The following FAM167A variants were observed in gnomAD, a reference collection of about 807,000 sequenced individuals.
The protein encoded by FAM167A is protein FAM167A.
FAM167A carries 23 observed loss-of-function variants against 14.9 expected under a neutral mutation model. The ratio of observed to expected loss-of-function variants is 1.55; its 90% CI spans 1.11 to 2.19. The LOEUF is 2.19. FAM167A is among the 30% of genes most tolerant of loss of function. The pLI is 0.00. For missense variants in FAM167A, 401 were observed against 281.5 expected, an observed-to-expected ratio of 1.42 and a Z score of -3.04; for synonymous variants, 174 against 117.7, an observed-to-expected ratio of 1.48 and a Z score of -3.10.
intron 2 of FAM167A, among the ~76,000 whole-genome samples, chr8:11,443,143 G>A (rs1339106146): frequency 6.6e-6 from 1 of 152,206 alleles, no homozygotes; most frequent in Non-Finnish European, 1.5e-5. Flanking sequence ...GGTGGGGCAG[G>A]GGTTGAGAGC....
intron 1 of FAM167A, chr8:11,474,658 G>A (rs913919378): frequency 3.3e-5 from 5 of 152,200 alleles, no homozygotes; most frequent in Admixed American, 6.5e-5. Context: ...ACAGACTGAT[G>A]AACACACAGA....
intron 1 of FAM167A, among the ~76,000 whole-genome samples, chr8:11,466,025 C>A (rs935394796): frequency 6.6e-6 from 1 of 152,148 alleles, no homozygotes; most frequent in Admixed American, 6.5e-5. Flanking sequence ...CCCTCCCCCC[C>A]GCCGTCTGTG....
At chr8:11,424,679 C>T (rs1805012440) in intron 2 of FAM167A, 43 bp from the exon 3 acceptor site, 3 of 1,603,760 alleles carry the variant, frequency 1.9e-6, no homozygotes, top group South Asian at 1.1e-5. Flanking sequence ...GAGAGTGGCT[C>T]GAGTCCCTGA....
At chr8:11,463,102 A>C (rs1807602967) in intron 1 of FAM167A, among the ~76,000 whole-genome samples, 1 of 152,198 alleles carries the variant, frequency 6.6e-6, no homozygotes, top group Non-Finnish European at 1.5e-5. Flanking sequence ...TATTTGTCCA[A>C]AAATGTGTAC....
rs1421155545 is a variant in FAM167A at position 11,444,522 on chromosome 8, G to T, written c.-111C>A. ...CTGGGATGGCCTCATCCAGGTGCCCGAGGGCATTTCCGGGACAGGAGCCGG... is the reference window on the plus strand; with the variant it reads ...CTGGGATGGCCTCATCCAGGTGCCCTAGGGCATTTCCGGGACAGGAGCCGG... On this transcript the variant is annotated 5_prime_UTR_variant, in exon 2 of 3. The change creates a premature stop within an existing upstream ORF in the 5' untranslated region. Coordinates refer to ENST00000284486, the MANE Select transcript of FAM167A (RefSeq NM_053279.3). 1.4e-6 allele frequency: 2 copies of T among 1,478,382 alleles called. No homozygotes were observed. The highest frequency in any genetic ancestry group is 4.7e-5 in the East Asian group (2 of 42,110). The allele number at this position is 1,478,382 out of a possible 1,614,324, so 91.6% of individuals were successfully genotyped here.
upstream of FAM167A, among the ~76,000 whole-genome samples, chr8:11,468,786 G>A (rs556935092): frequency 3.9e-5 from 6 of 152,354 alleles, 1 homozygote; most frequent in African/African-American, 1.2e-4. Context: ...GAGTGCAGAT[G>A]CTTTCTCATG....
At chr8:11,434,768 G>C (rs1267541891) in intron 2 of FAM167A, 1 of 317,472 alleles carries the variant, frequency 3.1e-6, no homozygotes, top group Non-Finnish European at 6.2e-6. Context: ...GATGACTCTG[G>C]ACAGGTGGCA....
chr8:11,474,425 A>C (rs1259453428), intron 1 of FAM167A, among the ~76,000 whole-genome samples: 1 of 152,200 alleles, frequency 6.6e-6, no homozygotes, highest in Non-Finnish European at 1.5e-5. Context: ...TGGTTCAGCC[A>C]CAGTTTTTGG....
At chr8:11,459,026 C>G (rs1807438734) in intron 1 of FAM167A, among the ~76,000 whole-genome samples, 1 of 152,262 alleles carries the variant, frequency 6.6e-6, no homozygotes, top group Non-Finnish European at 1.5e-5. Context: ...ACAACTTCAA[C>G]ACATACTTTC....
intron 2 of FAM167A, among the ~76,000 whole-genome samples, chr8:11,428,544 G>GGA (rs1805346883): frequency 6.6e-6 from 1 of 152,230 alleles, no homozygotes. Context: ...GAGAACATGA[G>GGA]GAGGGGGCTG....
intron 2 of FAM167A, among the ~76,000 whole-genome samples, chr8:11,433,446 A>G (rs7003814): frequency 0.88 from 133,731 of 152,214 alleles, 59,093 homozygotes; most frequent in African/African-American, 0.95. Flanking sequence ...GGCTGTGTGC[A>G]CTTTGGCTTA....
chr8:11,424,445 G>C lies in FAM167A; in HGVS notation c.573C>G (p.Ser191Arg), dbSNP rs1312126493. The change falls in exon 3 of 3, where the codon AGC (serine) becomes AGG (arginine). Residue 191 changes from serine to arginine, a missense_variant. Ser to Arg is a moderately radical substitution (Grantham distance 110). Transcript: ENST00000284486. ...FCDSPLASSF[S>R]LSTPLKLIGV... ...CAATAAGCTTGAGTGGTGTGGAGAG[G>C]CTGAAGGAGGAGGCAAGAGGGGAGT... 1 of 1,614,102 alleles carries C rather than the reference G, an allele frequency of 6.2e-7. No individual in the cohort carries two copies. Among genetic ancestry groups the C allele is most frequent in the Non-Finnish European group, 8.5e-7 (1 of 1,180,002 alleles).
In FAM167A at chr8:11,425,830, A is replaced by C. The variant is rs77879861; in HGVS notation, c.382-1194T>G. 7.3e-3 allele frequency among the ~76,000 whole-genome samples: 1,106 copies of C among 152,192 alleles called. 13 individuals carry two copies. Among genetic ancestry groups the C allele is most frequent in the African/African-American group, 0.026 (1,059 of 41,500 alleles). ...AGCAAACCCTGAAGAAAATAAAAAT[A>C]TTTTACCCTGAAGTATATTTCTTTG... On this transcript the variant is annotated intron_variant, in intron 2 of 2. Transcript: ENST00000284486.
At chr8:11,429,505 C>T (rs1315074053) in intron 2 of FAM167A, among the ~76,000 whole-genome samples, 1 of 152,204 alleles carries the variant, frequency 6.6e-6, no homozygotes, top group Non-Finnish European at 1.5e-5. Flanking sequence ...CGGCTGCAGC[C>T]GCACACGTTT....
At chr8:11,437,364 C>T (rs778363118) in intron 2 of FAM167A, among the ~76,000 whole-genome samples, 2 of 152,188 alleles carry the variant, frequency 1.3e-5, no homozygotes, top group Non-Finnish European at 2.9e-5. Context: ...CCAACCATCC[C>T]AGGGGCCCAG....
chr8:11,467,243 A>C (rs1379935382), upstream of FAM167A, among the ~76,000 whole-genome samples: 1 of 152,228 alleles, frequency 6.6e-6, no homozygotes, highest in Non-Finnish European at 1.5e-5. Flanking sequence ...CAGATGAGGA[A>C]ACTGAGGTGC....
intron 1 of FAM167A, chr8:11,445,645 T>C: frequency 2.0e-5 from 20 of 979,920 alleles, no homozygotes; most frequent in Non-Finnish European, 2.4e-5. Flanking sequence ...AAGCCCCAGC[T>C]CCTACCCCAT....
At chr8:11,438,369 G>A (rs934340209) in intron 2 of FAM167A, 1 of 447,024 alleles carries the variant, frequency 2.2e-6, no homozygotes, top group African/African-American at 2.0e-5. Context: ...GGAATGTTGG[G>A]AGATTGAAGG....
intron 2 of FAM167A, among the ~76,000 whole-genome samples, chr8:11,435,758 C>G (rs1805961737): frequency 6.6e-6 from 1 of 152,240 alleles, no homozygotes; most frequent in African/African-American, 2.4e-5. Flanking sequence ...ATTTCCTCAT[C>G]TGCTACATGA....
Sources: allele counts gnomAD v4.1 joint callset (sites outside exome capture counted in the v4.1 genomes callset), GRCh38; gene constraint gnomAD v4.1.1; transcripts MANE v1.5; gene names NCBI Gene and HGNC (gene_info 2026-07-23, HGNC 2026-07-21).